The following SLC25A13 variants were observed in gnomAD, a reference collection of about 807,000 sequenced individuals.
SLC25A13 encodes the protein solute carrier family 25 member 13.
Under a neutral mutation model 85.5 loss-of-function variants are expected in SLC25A13, and 70 were observed. The ratio of observed to expected loss-of-function variants is 0.82; its 90% confidence interval spans 0.68 to 1.00. The LOEUF is 1.00. Ranked by LOEUF, SLC25A13 falls within the 50% of genes least tolerant of loss-of-function variation. The pLI, the probability that SLC25A13 is intolerant of heterozygous loss-of-function variation, is 0.00. For missense variants in SLC25A13, 765 were observed against 819.8 expected (o/e 0.93, Z 0.82); for synonymous variants, 259 against 288.7 (o/e 0.90, Z 1.04).
At chr7:96,208,664 C>G (rs892034861) in intron 5 of SLC25A13, among the ~76,000 whole-genome samples, 174 bp downstream of exon 5, 4 of 152,038 alleles carry the variant, frequency 2.6e-5, no homozygotes, top group African/African-American at 9.7e-5. Flanking sequence ...GGCCACCACG[C>G]CTGGCTAATT....
intron 13 of SLC25A13, among the ~76,000 whole-genome samples, chr7:96,148,521 A>G (rs1340716956): frequency 2.0e-5 from 3 of 152,238 alleles, no homozygotes; most frequent in African/African-American, 7.2e-5. Context: ...GAGGCACGGT[A>G]AGGATTTTCT....
intron 2 of SLC25A13, 71 bp from the exon 3 acceptor site, chr7:96,277,409 T>C (rs562215782): frequency 5.6e-6 from 8 of 1,432,012 alleles, no homozygotes; most frequent in South Asian, 3.7e-5. Context: ...GAGAGTGATA[T>C]GTGAAAAAGT....
chr7:96,147,759 G>C (rs936579153), intron 13 of SLC25A13, among the ~76,000 whole-genome samples: 3 of 152,104 alleles, frequency 2.0e-5, no homozygotes, highest in African/African-American at 7.2e-5. Flanking sequence ...CATGCATGGA[G>C]ATACTATGCA....
chr7:96,258,872 G>T (rs55936255), intron 3 of SLC25A13, among the ~76,000 whole-genome samples: 1,880 of 152,206 alleles, frequency 0.012, 39 homozygotes, highest in African/African-American at 0.043. Context: ...CAGATATATA[G>T]ACCAATGGGA....
chr7:96,189,330 T>A lies in SLC25A13; in HGVS notation c.897A>T (p.Gly299=), dbSNP rs1794753748. Residue 299 remains glycine (G), a synonymous_variant, in exon 9 of 18, where the codon GGA becomes GGT. Transcript: ENST00000265631. ...DIERIAPLEE[G]TLPFNLAEAQ... ...CCTCAGCCAAGTTAAAGGGCAGAGT[T>A]CCCTCTTCCAGAGGAGCAATCCGTT... 6.2e-7 allele frequency: 1 copy of A among 1,614,074 alleles called. No homozygotes were observed. The highest frequency in any genetic ancestry group is 1.7e-5 in the Admixed American group (1 of 60,008).
At chr7:96,130,602 C>T (rs1343415321) in intron 15 of SLC25A13, among the ~76,000 whole-genome samples, 2 of 152,152 alleles carry the variant, frequency 1.3e-5, no homozygotes, top group African/African-American at 4.8e-5. Context: ...TAAATTATAA[C>T]CCTTTGGTTC....
chr7:96,229,018 G>A (rs546850659), intron 4 of SLC25A13, among the ~76,000 whole-genome samples: 1 of 152,280 alleles, frequency 6.6e-6, no homozygotes, highest in Non-Finnish European at 1.5e-5. Context: ...CATGCAGCCT[G>A]AGCCTCCCCA....
chr7:96,278,903 A>T (rs1295967049), intron 2 of SLC25A13, among the ~76,000 whole-genome samples: 1 of 152,224 alleles, frequency 6.6e-6, no homozygotes, highest in Non-Finnish European at 1.5e-5. Flanking sequence ...CAATCTTATG[A>T]CTTAGTAATT....
At chr7:96,176,192 G>A (rs12532957) in intron 11 of SLC25A13, among the ~76,000 whole-genome samples, 5,840 of 152,272 alleles carry the variant, frequency 0.038, 166 homozygotes, top group Admixed American at 0.085. Flanking sequence ...TCTAGGTGAG[G>A]CACTTCATCA....
At chr7:96,180,644 C>T (rs1446720463) in intron 11 of SLC25A13, among the ~76,000 whole-genome samples, 3 of 152,192 alleles carry the variant, frequency 2.0e-5, no homozygotes, top group Non-Finnish European at 4.4e-5. Context: ...TCTCTTAATA[C>T]ATCTTTTTCC....
intron 14 of SLC25A13, among the ~76,000 whole-genome samples, chr7:96,139,745 T>C (rs1275820669): frequency 1.3e-5 from 2 of 152,200 alleles, no homozygotes; most frequent in Non-Finnish European, 2.9e-5. Context: ...GACTGCCTTG[T>C]TTCACTTAAT....
intron 3 of SLC25A13, among the ~76,000 whole-genome samples, chr7:96,244,012 A>G (rs1216364375): frequency 6.6e-6 from 1 of 152,194 alleles, no homozygotes; most frequent in African/African-American, 2.4e-5. Context: ...CGCCGGGTGA[A>G]GCAGTGAGCC....
At chr7:96,289,038 G>A (rs557617786) in intron 2 of SLC25A13, among the ~76,000 whole-genome samples, 49 of 152,310 alleles carry the variant, frequency 3.2e-4, no homozygotes, top group African/African-American at 7.7e-4. Context: ...TCACACAGCC[G>A]GGTACCCCTC....
At chr7:96,321,894 A>T (rs1273118404) in intron 1 of SLC25A13, 48 bp downstream of exon 1, 2 of 1,520,418 alleles carry the variant, frequency 1.3e-6, no homozygotes, top group East Asian at 5.3e-5. Context: ...TCGCACCCCC[A>T]GGCTGATCCG....
At chr7:96,296,790 G>T in intron 2 of SLC25A13, 108 bp downstream of exon 2, 2 of 1,176,242 alleles carry the variant, frequency 1.7e-6, no homozygotes, top group Middle Eastern at 2.8e-4. Flanking sequence ...TGACACTTTG[G>T]GACTTTTTCA....
chr7:96,313,705 G>A (rs1256275192), intron 1 of SLC25A13, among the ~76,000 whole-genome samples: 1 of 152,092 alleles, frequency 6.6e-6, no homozygotes, highest in Non-Finnish European at 1.5e-5. Flanking sequence ...CCAAGCCTCA[G>A]CATCATGCAA....
chr7:96,121,508 C>G (rs969999964), intron 17 of SLC25A13, 131 bp from the exon 18 acceptor site: 114 of 1,381,372 alleles, frequency 8.3e-5, no homozygotes, highest in Non-Finnish European at 1.1e-4. Flanking sequence ...GTATGTTCCC[C>G]TTGGAAATGA....
intron 13 of SLC25A13, among the ~76,000 whole-genome samples, chr7:96,149,824 T>A (rs1298476543): frequency 6.6e-6 from 1 of 152,234 alleles, no homozygotes; most frequent in Admixed American, 6.5e-5. Context: ...TATTATGCAT[T>A]CACAGTACCA....
At chr7:96,125,493 G>A (rs759735407) in intron 15 of SLC25A13, among the ~76,000 whole-genome samples, 1 of 152,164 alleles carries the variant, frequency 6.6e-6, no homozygotes, top group African/African-American at 2.4e-5. Context: ...TCCCCCTCCT[G>A]AGTGTTAGTG....
Sources: gnomAD v4.1 joint callset for allele counts (sites outside exome capture counted in the v4.1 genomes callset) on GRCh38, gnomAD v4.1.1 for gene constraint, MANE v1.5 for transcripts, NCBI Gene and HGNC (gene_info 2026-07-23, HGNC 2026-07-21) for gene names.